The following NHS variants were observed in gnomAD, a reference collection of about 807,000 sequenced individuals.
NHS encodes actin remodeling regulator NHS.
Under a neutral mutation model 72.5 loss-of-function variants are expected in NHS, and 5 were observed. The ratio of observed to expected loss-of-function variants is 0.07; its 90% CI spans 0.04 to 0.14. NHS has a LOEUF of 0.14. NHS is among the 10% of genes least tolerant of loss of function. NHS has a pLI of 1.00. For missense variants in NHS, 1,072 were observed against 1,355.7 expected, an observed-to-expected ratio of 0.79 and a Z score of 3.29; for synonymous variants, 464 against 547.7, an observed-to-expected ratio of 0.85 and a Z score of 2.13.
intron 1 of NHS, among the ~76,000 whole-genome samples, chrX:17,492,293 A>G (rs754053508): frequency 3.6e-5 from 4 of 111,895 alleles, no homozygotes; most frequent in Non-Finnish European, 7.5e-5. Flanking sequence ...TTCCCTCTAA[A>G]CACTGCTTTA....
intron 1 of NHS, chrX:17,557,345 A>ATATC (rs1247374468): frequency 4.7e-5 from 5 of 106,892 alleles, no homozygotes; most frequent in African/African-American, 1.7e-4. Context: ...ATATATATAT[A>ATATC]TATCTTGCAT....
intron 1 of NHS, among the ~76,000 whole-genome samples, chrX:17,592,686 AAG>A (rs1357127746): frequency 8.9e-6 from 1 of 112,223 alleles, no homozygotes; most frequent in African/African-American, 3.2e-5. Context: ...TTTTTAAAAA[AAG>A]AGAAATGTGC....
chrX:17,380,001 G>A (rs2064368207), intron 1 of NHS, among the ~76,000 whole-genome samples: 1 of 111,794 alleles, frequency 8.9e-6, no homozygotes, highest in African/African-American at 3.3e-5. Context: ...GAGACAGTTT[G>A]TGAAGCCTTG....
In NHS at chrX:17,572,491, C is replaced by CTTTTTTTTTTTTTTTT. The variant is rs760577193; in HGVS notation, c.566-115244_566-115229dup. ...TCAGAGACCAGGACTGCAACCCCTGCTTTTTTTTTTTTTTTTTTTTTTGCT... is the reference window on the plus strand; with the variant it reads ...TCAGAGACCAGGACTGCAACCCCTGCTTTTTTTTTTTTTTTTTTTTTTTTTTTTTTTTTTTTTTGCT... On this transcript the variant is annotated intron_variant, in intron 1 of 8. Transcript: ENST00000676302. Among the ~76,000 whole-genome samples the CTTTTTTTTTTTTTTTT allele has an allele frequency of 3.4e-4, 16 of 46,762 alleles. 2 individuals carry two copies. Among genetic ancestry groups the CTTTTTTTTTTTTTTTT allele is most frequent in the African/African-American group, 2.1e-3 (16 of 7,666 alleles). The allele number at this position is 46,762 out of a possible 115,157, so 40.6% of individuals were successfully genotyped here.
At chrX:17,621,587 C>G (rs1213468852) in intron 1 of NHS, among the ~76,000 whole-genome samples, 1 of 111,883 alleles carries the variant, frequency 8.9e-6, no homozygotes, top group Non-Finnish European at 1.9e-5. Flanking sequence ...ATAGTCATTT[C>G]TGCCTCTCCA....
At chrX:17,567,510 A>C (rs1006382515) in intron 1 of NHS, among the ~76,000 whole-genome samples, 4 of 111,801 alleles carry the variant, frequency 3.6e-5, no homozygotes. Flanking sequence ...CTATAGCTTC[A>C]AAGGAAAAAA....
intron 1 of NHS, among the ~76,000 whole-genome samples, chrX:17,480,180 A>C (rs1324737730): frequency 2.7e-5 from 3 of 112,105 alleles, no homozygotes; most frequent in Admixed American, 9.5e-5. Flanking sequence ...GGAAGAATCA[A>C]TATCATGCAA....
chrX:17,652,764 A>T (rs915883918), intron 1 of NHS, among the ~76,000 whole-genome samples: 1 of 112,174 alleles, frequency 8.9e-6, no homozygotes, highest in African/African-American at 3.2e-5. Context: ...GAAATGATAA[A>T]TGCTTTAGAT....
chrX:17,600,713 GAGTT>G (rs775534049), intron 1 of NHS, among the ~76,000 whole-genome samples: 5 of 110,844 alleles, frequency 4.5e-5, no homozygotes, highest in Non-Finnish European at 9.4e-5. Flanking sequence ...AATTTGGAGA[GAGTT>G]AGTTCAGTGA....
intron 1 of NHS, among the ~76,000 whole-genome samples, chrX:17,533,701 G>A (rs2065209876): frequency 8.9e-6 from 1 of 112,018 alleles, no homozygotes; most frequent in Non-Finnish European, 1.9e-5. Flanking sequence ...TCATAGGCAT[G>A]GTCTTGGGTC....
chrX:17,702,951 T>C (rs2066274562), intron 3 of NHS, among the ~76,000 whole-genome samples: 2 of 110,331 alleles, frequency 1.8e-5, no homozygotes, highest in Non-Finnish European at 3.8e-5. Context: ...TTTAAGGTGG[T>C]ATTCTTTAGC....
At chrX:17,407,831 G>T (rs2064536628) in intron 1 of NHS, among the ~76,000 whole-genome samples, 1 of 111,239 alleles carries the variant, frequency 9.0e-6, no homozygotes, top group Non-Finnish European at 1.9e-5. Context: ...CTCTCTTGAG[G>T]TCTCCCAGGG....
intron 1 of NHS, among the ~76,000 whole-genome samples, chrX:17,628,455 A>G (rs2065808934): frequency 8.9e-6 from 1 of 112,800 alleles, no homozygotes; most frequent in Non-Finnish European, 1.9e-5. Flanking sequence ...GTAGCCTCTC[A>G]TGCATGCATA....
At chrX:17,680,810 AG>A (rs2066123702) in intron 1 of NHS, among the ~76,000 whole-genome samples, 1 of 111,833 alleles carries the variant, frequency 8.9e-6, no homozygotes, top group South Asian at 3.8e-4. Flanking sequence ...TGACTCTGCT[AG>A]ATGCCTAAAG....
chrX:17,583,390 T>C (rs180676121), intron 1 of NHS, among the ~76,000 whole-genome samples: 1 of 112,001 alleles, frequency 8.9e-6, no homozygotes, highest in East Asian at 2.8e-4. Context: ...CTGAGGATGA[T>C]GTAACGAGCC....
intron 1 of NHS, among the ~76,000 whole-genome samples, chrX:17,582,520 T>A (rs2065549200): frequency 1.8e-5 from 2 of 112,284 alleles, no homozygotes; most frequent in African/African-American, 6.5e-5. Context: ...GAACTGCTCC[T>A]CTGGTGGCTT....
intron 1 of NHS, among the ~76,000 whole-genome samples, chrX:17,382,073 CT>C (rs747172977): frequency 6.2e-5 from 7 of 112,307 alleles, no homozygotes; most frequent in Non-Finnish European, 1.1e-4. Context: ...TTGTGGATTA[CT>C]TGTTCAAGAT....
intron 1 of NHS, among the ~76,000 whole-genome samples, chrX:17,545,142 CT>C (rs1488804461): frequency 8.9e-6 from 1 of 112,098 alleles, no homozygotes; most frequent in East Asian, 2.8e-4. Flanking sequence ...ATCCAAATTC[CT>C]GCTTAGCCAC....
intron 1 of NHS, among the ~76,000 whole-genome samples, chrX:17,634,818 G>A (rs946770947): frequency 1.9e-4 from 21 of 111,602 alleles, no homozygotes; most frequent in African/African-American, 6.2e-4. Flanking sequence ...TTGTCCTTTC[G>A]GTGTGTGCGC....
Sources: gnomAD v4.1 joint callset for allele counts (sites outside exome capture counted in the v4.1 genomes callset) on GRCh38, gnomAD v4.1.1 for gene constraint, MANE v1.5 for transcripts, NCBI Gene and HGNC (gene_info 2026-07-23, HGNC 2026-07-21) for gene names.